The following C12orf42 variants were observed in gnomAD, a reference collection of about 807,000 sequenced individuals.
The protein encoded by C12orf42 is uncharacterized protein C12orf42.
In C12orf42, 25 loss-of-function variants were observed where a neutral mutation model predicts 21.6. That is an observed-to-expected ratio of 1.16 (90% CI 0.84 to 1.62). C12orf42 has a LOEUF of 1.62. Among genes scored for constraint, C12orf42 ranks in the 40% most tolerant of loss-of-function variants. C12orf42 has a pLI of 0.00. For synonymous variants in C12orf42, 174 were observed against 175.0 expected (o/e 0.99, Z 0.05); for missense variants, 483 against 459.3 (o/e 1.05, Z -0.47).
At chr12:103,104,452 T>G in the C12orf42 span, among the ~76,000 whole-genome samples, 12 of 152,322 alleles carry the variant, frequency 7.9e-5, no homozygotes, top group African/African-American at 2.6e-4. Flanking sequence ...TTTATTTGTT[T>G]GTTTTTTGAG....
At chr12:103,315,218 G>A (rs185931676) in intron 4 of C12orf42, among the ~76,000 whole-genome samples, 1 of 152,160 alleles carries the variant, frequency 6.6e-6, no homozygotes, top group Non-Finnish European at 1.5e-5. Context: ...AAAAGATACA[G>A]GCTAAAGAGA....
At chr12:103,532,902 C>T in the C12orf42 span, among the ~76,000 whole-genome samples, 1 of 152,220 alleles carries the variant, frequency 6.6e-6, no homozygotes, top group African/African-American at 2.4e-5. Context: ...CACATCAAAA[C>T]GCCCCTGCCC....
the C12orf42 span, among the ~76,000 whole-genome samples, chr12:103,547,133 G>T: frequency 6.6e-6 from 1 of 151,994 alleles, no homozygotes; most frequent in African/African-American, 2.4e-5. Flanking sequence ...TTTGTTACAG[G>T]GTCCCCAGCC....
chr12:103,505,408 C>T, the C12orf42 span: 1 of 348,780 alleles, frequency 2.9e-6, no homozygotes, highest in Non-Finnish European at 5.3e-6. Flanking sequence ...TGTTGGGTTA[C>T]ATTGACTGGT....
the C12orf42 span, among the ~76,000 whole-genome samples, chr12:103,090,607 A>T: frequency 6.6e-6 from 1 of 152,208 alleles, no homozygotes; most frequent in Admixed American, 6.5e-5. Flanking sequence ...CAATATCATA[A>T]TAGTTATAAT....
chr12:103,297,689 G>A (rs1021345547), downstream of C12orf42, among the ~76,000 whole-genome samples: 5 of 151,684 alleles, frequency 3.3e-5, no homozygotes, highest in East Asian at 1.9e-4. Flanking sequence ...GATGAGCATC[G>A]ATGCAAAAAT....
chr12:103,222,079 T>C, the C12orf42 span, among the ~76,000 whole-genome samples: 1 of 152,282 alleles, frequency 6.6e-6, no homozygotes, highest in South Asian at 2.1e-4. Context: ...AGATGTCATA[T>C]GCATATTTTT....
chr12:103,049,443 A>G, the C12orf42 span, among the ~76,000 whole-genome samples: 15 of 152,300 alleles, frequency 9.8e-5, no homozygotes, highest in African/African-American at 2.9e-4. Context: ...AGCTAGCGTC[A>G]TCTTTCACCT....
At chr12:103,076,159 C>T in the C12orf42 span, among the ~76,000 whole-genome samples, 2 of 152,022 alleles carry the variant, frequency 1.3e-5, no homozygotes, top group South Asian at 2.1e-4. Context: ...GTGCAGCAAA[C>T]CACCATGGCA....
At chr12:103,383,267 A>C (rs2046335148) in intron 3 of C12orf42, among the ~76,000 whole-genome samples, 1 of 151,754 alleles carries the variant, frequency 6.6e-6, no homozygotes, top group Admixed American at 6.6e-5. Context: ...ATGCTTGGCT[A>C]ATTTTTTTGT....
Position 103,306,078 on chromosome 12 carries a change from C to A in C12orf42, c.527G>T (p.Trp176Leu). The A allele has an allele frequency of 6.2e-7, 1 of 1,613,990 alleles. No homozygotes were observed. The highest frequency in any genetic ancestry group is 8.5e-7 in the Non-Finnish European group (1 of 1,179,866). The change falls in exon 5 of 6, where the codon TGG becomes TTG. Residue 176 changes from tryptophan to leucine, a missense_variant. Trp to Leu is a moderately conservative substitution (Grantham distance 61). Transcript: ENST00000548883. ...GTGAACAGGATTTACTGAGTGTGCC[C>A]AGTTAGGCTTTTTAACCAGTTGTTC... ...FLEQLVKKPN[W>L]AHSVNPVHLE... is the part of the protein sequence containing the mutation.
At chr12:103,415,161 GAATT>G (rs1168756438) in intron 2 of C12orf42, among the ~76,000 whole-genome samples, 1 of 151,932 alleles carries the variant, frequency 6.6e-6, no homozygotes, top group Non-Finnish European at 1.5e-5. Flanking sequence ...TAAACCATAA[GAATT>G]AAGAAGGATA....
the C12orf42 span, among the ~76,000 whole-genome samples, chr12:103,519,180 C>T: frequency 4.8e-3 from 734 of 152,284 alleles, 5 homozygotes; most frequent in African/African-American, 0.017. Flanking sequence ...TCATCTTCTG[C>T]CATGATTGCA....
the C12orf42 span, among the ~76,000 whole-genome samples, chr12:103,143,020 T>C: frequency 4.6e-5 from 7 of 152,206 alleles, no homozygotes; most frequent in Non-Finnish European, 1.0e-4. Flanking sequence ...AGGCTGGGGT[T>C]AGTTTAAAAA....
chr12:103,404,609 C>T (rs774110947), intron 2 of C12orf42, among the ~76,000 whole-genome samples: 15 of 152,156 alleles, frequency 9.9e-5, no homozygotes, highest in Non-Finnish European at 1.3e-4. Flanking sequence ...CCACAAGAGT[C>T]GCCACATAAA....
the C12orf42 span, among the ~76,000 whole-genome samples, chr12:103,077,122 G>A: frequency 6.6e-6 from 1 of 152,154 alleles, no homozygotes; most frequent in Non-Finnish European, 1.5e-5. Context: ...AATTATTAAG[G>A]TTAATATGAA....
At chr12:103,469,212 T>G (rs372162199) in intron 2 of C12orf42, among the ~76,000 whole-genome samples, 18 of 152,242 alleles carry the variant, frequency 1.2e-4, no homozygotes, top group Admixed American at 1.3e-4. Context: ...TTGTGAGTGT[T>G]AAACTCAGGA....
At chr12:103,301,303 G>A (rs1374021891), downstream of C12orf42, among the ~76,000 whole-genome samples, 1 of 151,984 alleles carries the variant, frequency 6.6e-6, no homozygotes, top group Admixed American at 6.6e-5. Flanking sequence ...TATGCATATC[G>A]GTCACATTGA....
intron 4 of C12orf42, among the ~76,000 whole-genome samples, chr12:103,348,854 A>C (rs2042857241): frequency 6.6e-6 from 1 of 152,282 alleles, no homozygotes; most frequent in Non-Finnish European, 1.5e-5. Flanking sequence ...ATTGCAAGGA[A>C]ATTAAATGTC....
Sources: allele counts gnomAD v4.1 joint callset (sites outside exome capture counted in the v4.1 genomes callset), GRCh38; gene constraint gnomAD v4.1.1; transcripts MANE v1.5; gene names NCBI Gene and HGNC (gene_info 2026-07-23, HGNC 2026-07-21).